PPARGC1A: variants seen among roughly 807,000 people sequenced by gnomAD.
PPARGC1A encodes the protein PPARG coactivator 1 alpha.
PPARGC1A carries 25 observed loss-of-function variants against 88.7 expected under a neutral mutation model. The ratio of observed to expected loss-of-function variants is 0.28; its 90% CI spans 0.21 to 0.39. The LOEUF is 0.39. Among genes scored for constraint, PPARGC1A ranks in the 10% least tolerant of loss-of-function variants. The pLI, the probability that PPARGC1A is intolerant of heterozygous loss-of-function variation, is 1.00. For missense variants in PPARGC1A, 880 were observed against 968.7 expected (o/e 0.91, Z 1.22); for synonymous variants, 363 against 355.6 (o/e 1.02, Z -0.24).
At chr4:24,168,294 C>G in the PPARGC1A span, among the ~76,000 whole-genome samples, 1 of 152,112 alleles carries the variant, frequency 6.6e-6, no homozygotes, top group Admixed American at 6.5e-5. Flanking sequence ...AGTGTCTTGC[C>G]CATGTTCACA....
intron 2 of PPARGC1A, among the ~76,000 whole-genome samples, chr4:23,853,498 C>T (rs1729673368): frequency 6.6e-6 from 1 of 152,106 alleles, no homozygotes; most frequent in South Asian, 2.1e-4. Context: ...CAAGAGGAAT[C>T]TCAAATTTGG....
the PPARGC1A span, among the ~76,000 whole-genome samples, chr4:24,309,649 A>T: frequency 6.6e-6 from 1 of 152,126 alleles, no homozygotes; most frequent in African/African-American, 2.4e-5. Flanking sequence ...TGGCATGATC[A>T]TAGCCCACTG....
the PPARGC1A span, among the ~76,000 whole-genome samples, chr4:24,171,632 T>C: frequency 2.6e-5 from 4 of 152,330 alleles, no homozygotes; most frequent in African/African-American, 9.6e-5. Flanking sequence ...TCACTAAATA[T>C]AAATTCACAG....
chr4:23,831,417 C>T, intron 3 of PPARGC1A, 140 bp downstream of exon 3: 1 of 674,440 alleles, frequency 1.5e-6, no homozygotes, highest in Non-Finnish European at 2.4e-6. Context: ...ACACAATTTG[C>T]AACTCTGAGT....
chr4:24,452,169 A>T, the PPARGC1A span, among the ~76,000 whole-genome samples: 5 of 151,736 alleles, frequency 3.3e-5, no homozygotes, highest in East Asian at 1.9e-4. Context: ...CCAGCCTGCC[A>T]TGCAGATTTT....
At chr4:23,991,022 A>G in the PPARGC1A span, among the ~76,000 whole-genome samples, 1 of 152,050 alleles carries the variant, frequency 6.6e-6, no homozygotes, top group Admixed American at 6.6e-5. Flanking sequence ...ACATGTTTAA[A>G]TGTAGTTTTC....
chr4:24,220,972 C>T, the PPARGC1A span, among the ~76,000 whole-genome samples: 2 of 152,022 alleles, frequency 1.3e-5, no homozygotes, highest in East Asian at 1.9e-4. Flanking sequence ...CCACTCATCC[C>T]GTAACAAGAT....
At position 23,805,082 on chromosome 4, in the gene PPARGC1A, A is replaced by G. The variant is rs367710813; in HGVS notation, c.2020-2737T>C. Among the ~76,000 whole-genome samples the G allele has an allele frequency of 3.9e-5, 6 of 152,310 alleles. No homozygotes were observed. In the South Asian group the frequency reaches 1.2e-3, roughly 32 times the overall value. On this transcript the variant is annotated intron_variant, in intron 10 of 12. Coordinates refer to ENST00000264867, the MANE Select transcript of PPARGC1A (RefSeq NM_013261.5). ...AACAGACTATCAATGAATATCTGCTATAAAATCAATCAGTTACTAATCAAT... is the reference window on the plus strand; with the variant it reads ...AACAGACTATCAATGAATATCTGCTGTAAAATCAATCAGTTACTAATCAAT...
At chr4:24,321,999 T>C in the PPARGC1A span, among the ~76,000 whole-genome samples, 1 of 152,216 alleles carries the variant, frequency 6.6e-6, no homozygotes, top group African/African-American at 2.4e-5. Context: ...AAATAGATCA[T>C]GGATTAATGG....
At chr4:24,468,220 GA>G in the PPARGC1A span, among the ~76,000 whole-genome samples, 1 of 152,188 alleles carries the variant, frequency 6.6e-6, no homozygotes, top group East Asian at 1.9e-4. Flanking sequence ...ACAACTACAG[GA>G]GAGAATCACA....
At chr4:24,285,082 G>A in the PPARGC1A span, among the ~76,000 whole-genome samples, 1 of 152,134 alleles carries the variant, frequency 6.6e-6, no homozygotes, top group Non-Finnish European at 1.5e-5. Context: ...GAGGCAAAGA[G>A]GGCATGAGCT....
chr4:24,023,255 T>C, the PPARGC1A span, among the ~76,000 whole-genome samples: 2 of 152,206 alleles, frequency 1.3e-5, no homozygotes, highest in Admixed American at 6.5e-5. Flanking sequence ...TCAAATTCAT[T>C]TTGATTCTGT....
the PPARGC1A span, among the ~76,000 whole-genome samples, chr4:23,989,526 T>C: frequency 6.6e-6 from 1 of 152,088 alleles, no homozygotes; most frequent in South Asian, 2.1e-4. Flanking sequence ...AACACTATTA[T>C]ATATATTTTA....
the PPARGC1A span, among the ~76,000 whole-genome samples, chr4:24,039,164 T>C: frequency 6.6e-6 from 1 of 152,190 alleles, no homozygotes; most frequent in East Asian, 1.9e-4. Flanking sequence ...CCAAGTAATT[T>C]ATTCGCTTTC....
the PPARGC1A span, among the ~76,000 whole-genome samples, chr4:24,156,271 A>G: frequency 2.6e-5 from 4 of 152,166 alleles, no homozygotes; most frequent in Non-Finnish European, 2.9e-5. Context: ...GAATATTCCA[A>G]TTAACATATC....
At chr4:24,165,306 A>G in the PPARGC1A span, among the ~76,000 whole-genome samples, 6,303 of 152,260 alleles carry the variant, frequency 0.041, 365 homozygotes, top group African/African-American at 0.12. Context: ...GGCACACTAT[A>G]TGCAAAAATA....
At chr4:24,015,203 T>C in the PPARGC1A span, among the ~76,000 whole-genome samples, 2 of 152,130 alleles carry the variant, frequency 1.3e-5, no homozygotes, top group African/African-American at 4.8e-5. Context: ...CACATACACA[T>C]ATATTTGTAT....
chr4:23,865,853 T>C (rs1431663922), intron 2 of PPARGC1A, among the ~76,000 whole-genome samples: 2 of 152,216 alleles, frequency 1.3e-5, no homozygotes, highest in African/African-American at 2.4e-5. Flanking sequence ...ATCAGCAGCA[T>C]GGTTTCTGAT....
chr4:24,368,248 C>G, the PPARGC1A span, among the ~76,000 whole-genome samples: 1 of 152,134 alleles, frequency 6.6e-6, no homozygotes, highest in Non-Finnish European at 1.5e-5. Flanking sequence ...AAACTGGACT[C>G]CTTCAACTCA....
Sources: gnomAD v4.1 joint callset for allele counts (sites outside exome capture counted in the v4.1 genomes callset) on GRCh38, gnomAD v4.1.1 for gene constraint, MANE v1.5 for transcripts, NCBI Gene and HGNC (gene_info 2026-07-23, HGNC 2026-07-21) for gene names.